Variants in LRRC37A2 observed in about 807,000 individuals in gnomAD.
LRRC37A2 encodes leucine rich repeat containing 37 member A2.
A neutral mutation model predicts 68.8 loss-of-function variants in LRRC37A2; 9 were observed. The ratio of observed to expected loss-of-function variants is 0.13; its 90% CI spans 0.08 to 0.23. The LOEUF (loss-of-function observed/expected upper bound fraction) is 0.23. LRRC37A2 is among the 10% of genes least tolerant of loss of function. The pLI is 1.00. For missense variants in LRRC37A2, 168 were observed against 950.4 expected, an observed-to-expected ratio of 0.18 and a Z score of 10.82; for synonymous variants, 63 against 367.6, an observed-to-expected ratio of 0.17 and a Z score of 9.48.
At chr17:46,926,904 A>C in the LRRC37A2 span, among the ~76,000 whole-genome samples, 4 of 152,300 alleles carry the variant, frequency 2.6e-5, no homozygotes, top group Middle Eastern at 3.4e-3. Flanking sequence ...GTATGCCAGA[A>C]CCTCTCTAGG....
At chr17:47,048,074 A>G in the LRRC37A2 span, among the ~76,000 whole-genome samples, 33 of 128,796 alleles carry the variant, frequency 2.6e-4, no homozygotes, top group South Asian at 5.0e-4. Context: ...TACCAATTAT[A>G]TTATTCCCTT....
chr17:46,731,597 C>T, the LRRC37A2 span, among the ~76,000 whole-genome samples: 2 of 152,116 alleles, frequency 1.3e-5, no homozygotes, highest in South Asian at 4.2e-4. Context: ...ATCCAAGGTA[C>T]GTGGCCCAGC....
the LRRC37A2 span, chr17:46,937,472 A>C: frequency 6.6e-6 from 1 of 152,216 alleles, no homozygotes; most frequent in Non-Finnish European, 1.5e-5. Flanking sequence ...TAAGGTATAC[A>C]GATCATATTT....
chr17:47,015,102 G>A, the LRRC37A2 span, among the ~76,000 whole-genome samples: 1 of 143,620 alleles, frequency 7.0e-6, no homozygotes, highest in South Asian at 2.2e-4. Context: ...CCACCTCCCG[G>A]GTTCAAGTGA....
At chr17:46,733,863 ATGT>A in the LRRC37A2 span, among the ~76,000 whole-genome samples, 1 of 152,214 alleles carries the variant, frequency 6.6e-6, no homozygotes, top group African/African-American at 2.4e-5. Context: ...AAATTTTATG[ATGT>A]TGTTGAGAAT....
At chr17:46,945,235 G>T in the LRRC37A2 span, among the ~76,000 whole-genome samples, 1 of 152,294 alleles carries the variant, frequency 6.6e-6, no homozygotes, top group African/African-American at 2.4e-5. Flanking sequence ...GCTGTCTTCT[G>T]CACGACATCC....
the LRRC37A2 span, among the ~76,000 whole-genome samples, chr17:46,951,895 C>G: frequency 6.6e-5 from 10 of 152,150 alleles, no homozygotes; most frequent in Admixed American, 1.3e-4. Context: ...GCTTCTCCCC[C>G]CCAGACATCA....
the LRRC37A2 span, among the ~76,000 whole-genome samples, chr17:47,038,178 C>T: frequency 7.9e-5 from 12 of 152,150 alleles, no homozygotes; most frequent in Admixed American, 1.3e-4. Flanking sequence ...TGGTGGCACA[C>T]GCCTGTAGTC....
chr17:46,711,419 T>C, the LRRC37A2 span, among the ~76,000 whole-genome samples: 1 of 152,324 alleles, frequency 6.6e-6, no homozygotes, highest in Non-Finnish European at 1.5e-5. Context: ...AAATACTTAC[T>C]GAGTACTTGT....
chr17:46,714,101 C>T, the LRRC37A2 span: 1 of 1,052,160 alleles, frequency 9.5e-7, no homozygotes, highest in Non-Finnish European at 1.3e-6. Flanking sequence ...ATGTTCTTCT[C>T]AAGTGGAACC....
chr17:46,833,356 G>A, the LRRC37A2 span: 7 of 518,268 alleles, frequency 1.4e-5, no homozygotes, highest in African/African-American at 5.8e-5. Flanking sequence ...ATGAAAGGAC[G>A]GGCAGTTTCT....
the LRRC37A2 span, among the ~76,000 whole-genome samples, chr17:46,649,762 AGTAGTAGAG>A: frequency 7.9e-6 from 1 of 127,044 alleles, no homozygotes; most frequent in Non-Finnish European, 1.6e-5. Flanking sequence ...ACAGCTAGTA[AGTAGTAGAG>A]TCAGATTTGA....
At chr17:46,975,961 C>T in the LRRC37A2 span, among the ~76,000 whole-genome samples, 66 of 152,220 alleles carry the variant, frequency 4.3e-4, no homozygotes, top group African/African-American at 1.6e-3. Flanking sequence ...GAGTCTAGCA[C>T]TGTCGCCCAG....
chr17:47,005,486 G>T, the LRRC37A2 span: 1 of 152,240 alleles, frequency 6.6e-6, no homozygotes, highest in Non-Finnish European at 1.5e-5. Context: ...ATCGTGGTAT[G>T]TAAGGAACAT....
At chr17:46,606,839 AAAGC>A in the LRRC37A2 span, among the ~76,000 whole-genome samples, 28 of 5,478 alleles carry the variant, frequency 5.1e-3, 14 homozygotes, top group South Asian at 0.25. Context: ...TAAATAAATA[AAAGC>A]AAGCAAACAA....
At chr17:46,791,220 T>C in the LRRC37A2 span, among the ~76,000 whole-genome samples, 76 of 151,954 alleles carry the variant, frequency 5.0e-4, 1 homozygote, top group Admixed American at 5.0e-3. Flanking sequence ...CCTTACTCTT[T>C]TTTTTTTTTC....
chr17:46,774,350 A>G, the LRRC37A2 span, among the ~76,000 whole-genome samples: 3 of 152,102 alleles, frequency 2.0e-5, no homozygotes, highest in East Asian at 3.9e-4. Flanking sequence ...CTCATGGGAC[A>G]CGCGCGCGCG....
At chr17:46,520,916 T>G (rs1416005985) in intron 4 of LRRC37A2, among the ~76,000 whole-genome samples, 2 of 79,528 alleles carry the variant, frequency 2.5e-5, no homozygotes, top group African/African-American at 7.4e-5. Flanking sequence ...AATTAACATT[T>G]AAATATTAAA....
chr17:46,991,863 C>T, the LRRC37A2 span, among the ~76,000 whole-genome samples: 1 of 152,148 alleles, frequency 6.6e-6, no homozygotes, highest in Non-Finnish European at 1.5e-5. Context: ...GCTTTTTTGC[C>T]ATAATGGCAG....
Sources: allele counts gnomAD v4.1 joint callset (sites outside exome capture counted in the v4.1 genomes callset), GRCh38; gene constraint gnomAD v4.1.1; transcripts MANE v1.5; gene names NCBI Gene and HGNC (gene_info 2026-07-23, HGNC 2026-07-21).